GNA14: variants seen among roughly 807,000 people sequenced by gnomAD.
GNA14 encodes G protein subunit alpha 14, also known as guanine nucleotide-binding protein subunit alpha-14.
A neutral mutation model predicts 42.0 loss-of-function variants in GNA14; 50 were observed. That is an observed-to-expected ratio of 1.19 (90% CI 0.95 to 1.51). The LOEUF (loss-of-function observed/expected upper bound fraction) is 1.51. Among genes scored for constraint, GNA14 ranks in the 40% most tolerant of loss-of-function variants. The pLI is 0.00. For synonymous variants in GNA14, 173 were observed against 163.1 expected (o/e 1.06, Z -0.46); for missense variants, 473 against 446.2 (o/e 1.06, Z -0.54).
chr9:77,580,318 A>T (rs1049423413), intron 1 of GNA14: 1 of 337,998 alleles, frequency 3.0e-6, no homozygotes, highest in South Asian at 2.8e-5. Flanking sequence ...TTTGATAAAG[A>T]TACAACCCGA....
Position 77,476,340 on chromosome 9 carries a change from G to A in GNA14, c.310-41818C>T, listed in dbSNP as rs531850556. 1.4e-4 allele frequency among the ~76,000 whole-genome samples: 21 copies of A among 152,308 alleles called. No homozygotes were observed. In the South Asian group the frequency reaches 4.4e-3, roughly 32 times the overall value. On this transcript the variant is annotated intron_variant, in intron 2 of 6. Transcript: ENST00000341700. ...CAGCATCGCCATCTCTAGGTAATGA[G>A]GGGGAGGCGCCCTGAGAGCAGGAAA...
intron 2 of GNA14, among the ~76,000 whole-genome samples, chr9:77,452,638 G>GTA (rs1835932420): frequency 1.1e-4 from 5 of 46,754 alleles, no homozygotes; most frequent in Non-Finnish European, 1.4e-4. Context: ...TGTGCGGTGT[G>GTA]TGTGTTTGTG....
chr9:77,641,510 G>C (rs1824267388), intron 1 of GNA14, among the ~76,000 whole-genome samples: 1 of 150,702 alleles, frequency 6.6e-6, no homozygotes, highest in African/African-American at 2.4e-5. Context: ...AGCCAGAAAA[G>C]CACAGTGGGG....
At chr9:77,540,971 T>C (rs1202338151) in intron 1 of GNA14, among the ~76,000 whole-genome samples, 2 of 152,188 alleles carry the variant, frequency 1.3e-5, no homozygotes, top group East Asian at 1.9e-4. Context: ...ATTATTGATA[T>C]GTGAAGTTTT....
intron 2 of GNA14, among the ~76,000 whole-genome samples, chr9:77,496,338 G>T (rs1360160945): frequency 1.3e-5 from 2 of 152,084 alleles, no homozygotes; most frequent in African/African-American, 4.8e-5. Flanking sequence ...GTTTTCACAG[G>T]ACATAAAATA....
In GNA14 at chr9:77,519,913, G is replaced by C. The variant is rs190082267; in HGVS notation, c.309+9156C>G. Among the ~76,000 whole-genome samples, 88 of 152,256 alleles carry C rather than the reference G, an allele frequency of 5.8e-4. 1 individual carries two copies. The East Asian group carries it at 0.016, about 27-fold the overall frequency. On this transcript the variant is annotated intron_variant, in intron 2 of 6. Transcript: ENST00000341700. The stretch of plus-strand genomic sequence containing the variant: ...TAATCCCAGCTACTCGGGGGACTGA[G>C]GCAGGAGAATCACTTGAACCTGGAG...
chr9:77,430,883 T>G (rs994267550), intron 4 of GNA14, among the ~76,000 whole-genome samples: 44 of 152,188 alleles, frequency 2.9e-4, no homozygotes, highest in African/African-American at 1.1e-3. Flanking sequence ...TTCACAGTTT[T>G]CATACACATT....
chr9:77,564,451 G>C (rs1277409862), intron 1 of GNA14, among the ~76,000 whole-genome samples: 2 of 152,194 alleles, frequency 1.3e-5, no homozygotes, highest in South Asian at 2.1e-4. Context: ...GAGACTACCA[G>C]GATGGCTAGA....
At chr9:77,592,776 C>T (rs758597147) in intron 1 of GNA14, among the ~76,000 whole-genome samples, 1 of 152,176 alleles carries the variant, frequency 6.6e-6, no homozygotes, top group African/African-American at 2.4e-5. Context: ...GGTCTCCTTG[C>T]TGTAGGATCC....
At chr9:77,565,409 G>A (rs1314959801) in intron 1 of GNA14, among the ~76,000 whole-genome samples, 2 of 144,854 alleles carry the variant, frequency 1.4e-5, no homozygotes, top group South Asian at 2.1e-4. Flanking sequence ...TCATATATTG[G>A]GTCAAATAAA....
chr9:77,624,567 A>G (rs1295818323), intron 1 of GNA14, among the ~76,000 whole-genome samples: 1 of 152,210 alleles, frequency 6.6e-6, no homozygotes, highest in Non-Finnish European at 1.5e-5. Flanking sequence ...AAGCTTCCAG[A>G]GGAAAGAAGA....
chr9:77,625,521 A>T (rs969394732), intron 1 of GNA14, among the ~76,000 whole-genome samples: 6 of 152,248 alleles, frequency 3.9e-5, no homozygotes, highest in African/African-American at 1.4e-4. Flanking sequence ...AGCCCATCAG[A>T]CTAACAGCTG....
intron 1 of GNA14, among the ~76,000 whole-genome samples, chr9:77,555,086 T>C (rs1329378645): frequency 2.0e-5 from 3 of 152,196 alleles, no homozygotes; most frequent in East Asian, 1.9e-4. Flanking sequence ...GATGATACTA[T>C]GGAATTACTG....
At chr9:77,631,624 A>G (rs888952481) in intron 1 of GNA14, among the ~76,000 whole-genome samples, 3 of 152,188 alleles carry the variant, frequency 2.0e-5, no homozygotes, top group East Asian at 1.9e-4. Flanking sequence ...TATCTAGTGA[A>G]GTTTTCATTA....
chr9:77,620,770 C>T (rs1330997905), intron 1 of GNA14, among the ~76,000 whole-genome samples: 2 of 145,636 alleles, frequency 1.4e-5, no homozygotes, highest in Admixed American at 7.1e-5. Context: ...TTTGTTTGAA[C>T]GCGCGAGGTG....
intron 1 of GNA14, among the ~76,000 whole-genome samples, chr9:77,601,040 G>T (rs1180387813): frequency 6.6e-6 from 1 of 152,252 alleles, no homozygotes; most frequent in Non-Finnish European, 1.5e-5. Flanking sequence ...AAAAGAAGGT[G>T]GAGCTACGGG....
chr9:77,460,396 G>A (rs1401384426), intron 2 of GNA14, among the ~76,000 whole-genome samples: 1 of 152,232 alleles, frequency 6.6e-6, no homozygotes, highest in East Asian at 1.9e-4. Flanking sequence ...CTCCCTTGGA[G>A]GCTCCAGGGG....
intron 1 of GNA14, among the ~76,000 whole-genome samples, chr9:77,612,472 C>G (rs1823749439): frequency 6.6e-6 from 1 of 152,090 alleles, no homozygotes; most frequent in Non-Finnish European, 1.5e-5. Context: ...CTCTGTGAGT[C>G]TACAATCAGG....
At chr9:77,501,756 G>T (rs1836977255) in intron 2 of GNA14, among the ~76,000 whole-genome samples, 1 of 137,934 alleles carries the variant, frequency 7.2e-6, no homozygotes, top group Non-Finnish European at 1.5e-5. Context: ...TGTCACCCGG[G>T]TTGGAGTGCA....
Sources: allele counts gnomAD v4.1 joint callset (sites outside exome capture counted in the v4.1 genomes callset), GRCh38; gene constraint gnomAD v4.1.1; transcripts MANE v1.5; gene names NCBI Gene and HGNC (gene_info 2026-07-23, HGNC 2026-07-21).